Variants in ADAMTS12 observed in about 807,000 individuals in gnomAD.
ADAMTS12 encodes A disintegrin and metalloproteinase with thrombospondin motifs 12.
ADAMTS12 carries 118 observed loss-of-function variants against 167.8 expected under a neutral mutation model. The observed-to-expected ratio is 0.70, with a 90% CI of 0.61 to 0.82. The LOEUF is 0.82. Ranked by LOEUF, ADAMTS12 falls within the 40% of genes least tolerant of loss-of-function variation. The probability of loss-of-function intolerance (pLI) is 0.00; values close to 1 mark genes in which losing one functional copy is unlikely to be tolerated. For missense variants in ADAMTS12, 1,916 were observed against 1,998.8 expected (o/e 0.96, Z 0.79); for synonymous variants, 704 against 716.9 (o/e 0.98, Z 0.29).
intron 5 of ADAMTS12, among the ~76,000 whole-genome samples, chr5:33,672,371 C>T (rs1741743450): frequency 6.6e-6 from 1 of 151,742 alleles, no homozygotes; most frequent in Non-Finnish European, 1.5e-5. Context: ...TACACACATA[C>T]CCCCACAGTA....
chr5:33,630,855 C>T lies in ADAMTS12; in HGVS notation c.1947G>A (p.Leu649=), dbSNP rs1467284597. 1 of 1,613,642 alleles carries T rather than the reference C, an allele frequency of 6.2e-7. No individual in the cohort carries two copies. The highest frequency in any genetic ancestry group is 8.5e-7 in the Non-Finnish European group (1 of 1,179,698). Residue 649 remains leucine, a synonymous_variant, in exon 13 of 24, where the codon CTG becomes CTA. Transcript: ENST00000504830. The part of the protein sequence containing the change: ...PIDGQFSEKM[L]DAVIDGTPCF... Reference sequence around the variant, plus strand: ...AAGGGGTACCATCAATGACAGCATCCAGCATTTTCTCAGAAAACTGGCCAT... The same window carrying T: ...AAGGGGTACCATCAATGACAGCATCTAGCATTTTCTCAGAAAACTGGCCAT...
chr5:33,766,079 A>G (rs1376894710), intron 2 of ADAMTS12, among the ~76,000 whole-genome samples: 1 of 152,222 alleles, frequency 6.6e-6, no homozygotes, highest in Non-Finnish European at 1.5e-5. Context: ...AAGATTTCCA[A>G]ATAGTTTAAT....
chr5:33,849,059 T>C lies in ADAMTS12; in HGVS notation c.489+32060A>G, dbSNP rs1277168884. On this transcript the variant is annotated intron_variant, in intron 2 of 23. Transcript: ENST00000504830. Reference sequence around the variant, plus strand: ...TATATATATGTATTGCATAGCAATATATATATATGTATTGCATAGCAATAT... The same window carrying C: ...TATATATATGTATTGCATAGCAATACATATATATGTATTGCATAGCAATAT... Among the ~76,000 whole-genome samples the C allele has an allele frequency of 3.4e-5, 5 of 147,656 alleles. No individual in the cohort carries two copies. The South Asian group carries it at 1.1e-3, about 32-fold the overall frequency.
chr5:33,586,411 T>C (rs1376087238), intron 18 of ADAMTS12, among the ~76,000 whole-genome samples: 1 of 152,200 alleles, frequency 6.6e-6, no homozygotes, highest in Non-Finnish European at 1.5e-5. Context: ...GCCTTTCTGC[T>C]CAGCTCTGTC....
intron 6 of ADAMTS12, 83 bp from the exon 7 acceptor site, chr5:33,658,416 A>G: frequency 2.6e-6 from 4 of 1,520,718 alleles, no homozygotes; most frequent in Non-Finnish European, 2.7e-6. Context: ...GTATAAACTC[A>G]CATTCAATAT....
At chr5:33,763,351 G>T in intron 2 of ADAMTS12, among the ~76,000 whole-genome samples, 1 of 152,304 alleles carries the variant, frequency 6.6e-6, no homozygotes. Flanking sequence ...GGGGCAAGAG[G>T]CTGGAGTGAT....
chr5:33,858,225 C>T (rs1005110217), intron 2 of ADAMTS12, among the ~76,000 whole-genome samples: 1 of 151,808 alleles, frequency 6.6e-6, no homozygotes. Context: ...TCTAAATAAT[C>T]CATGGGTCAA....
At chr5:33,540,683 G>A (rs963749591) in intron 22 of ADAMTS12, among the ~76,000 whole-genome samples, 2 of 152,226 alleles carry the variant, frequency 1.3e-5, no homozygotes, top group African/African-American at 4.8e-5. Flanking sequence ...GTGATACCCA[G>A]GCAAACAGGG....
chr5:33,829,142 G>A (rs1387718960), intron 2 of ADAMTS12, among the ~76,000 whole-genome samples: 2 of 152,018 alleles, frequency 1.3e-5, no homozygotes, highest in Admixed American at 1.3e-4. Flanking sequence ...GGCACCTTTC[G>A]TCAGGCTACT....
intron 2 of ADAMTS12, among the ~76,000 whole-genome samples, chr5:33,855,187 G>A (rs2111664279): frequency 6.6e-6 from 1 of 152,304 alleles, no homozygotes; most frequent in East Asian, 1.9e-4. Flanking sequence ...TTTTCCATCT[G>A]GGCCAAGAAC....
chr5:33,735,088 T>C (rs1744324035), intron 3 of ADAMTS12, among the ~76,000 whole-genome samples: 1 of 152,242 alleles, frequency 6.6e-6, no homozygotes, highest in Admixed American at 6.5e-5. Flanking sequence ...GCATTTACCT[T>C]AATAAGTTTT....
chr5:33,595,482 C>T (rs1434838000), intron 17 of ADAMTS12, among the ~76,000 whole-genome samples: 1 of 152,160 alleles, frequency 6.6e-6, no homozygotes, highest in Non-Finnish European at 1.5e-5. Context: ...GCCCCACGTG[C>T]CAGTAATGTC....
At position 33,614,508 on chromosome 5, in the gene ADAMTS12, T is replaced by C. The variant is rs1738885637; in HGVS notation, c.2389-132A>G. 9 of 1,064,558 alleles carry C rather than the reference T, an allele frequency of 8.5e-6. No homozygotes were observed. The South Asian group carries it at 1.2e-4, about 14-fold the overall frequency. The allele number at this position is 1,064,558 out of a possible 1,614,324, so 65.9% of individuals were successfully genotyped here. ...CATGCATTGGAATAAAGCCATTAAA[T>C]AGATCTATACCTATGTCTGTGCCTA... On this transcript the variant is annotated intron_variant, in intron 15 of 23. Coordinates refer to ENST00000504830, the MANE Select transcript of ADAMTS12 (RefSeq NM_030955.4).
intron 16 of ADAMTS12, among the ~76,000 whole-genome samples, chr5:33,606,424 A>G (rs1395062346): frequency 6.6e-6 from 1 of 152,236 alleles, no homozygotes; most frequent in Admixed American, 6.5e-5. Context: ...AGAAAGAATA[A>G]TATAAATGAA....
intron 1 of ADAMTS12, 108 bp downstream of exon 1, chr5:33,891,622 C>T: frequency 6.5e-7 from 1 of 1,530,734 alleles, no homozygotes; most frequent in Non-Finnish European, 8.8e-7. Flanking sequence ...AGCCAAATGG[C>T]TTTTCAGAGT....
intron 16 of ADAMTS12, among the ~76,000 whole-genome samples, chr5:33,608,528 TTTG>T (rs1215038372): frequency 2.0e-5 from 3 of 151,848 alleles, no homozygotes; most frequent in African/African-American, 4.8e-5. Context: ...ATACAGTGAG[TTTG>T]TTGAGATGCA....
chr5:33,883,917 G>C (rs1036913307), intron 1 of ADAMTS12, among the ~76,000 whole-genome samples: 11 of 152,312 alleles, frequency 7.2e-5, no homozygotes, highest in Admixed American at 7.2e-4. Flanking sequence ...GAGAAACTGT[G>C]GGTGGGTGAG....
At chr5:33,671,729 C>A (rs1440646781) in intron 5 of ADAMTS12, among the ~76,000 whole-genome samples, 1 of 151,782 alleles carries the variant, frequency 6.6e-6, no homozygotes, top group Admixed American at 6.6e-5. Context: ...TACTCACATA[C>A]CCATACACAC....
At chr5:33,615,178 C>T (rs1738936264) in intron 15 of ADAMTS12, among the ~76,000 whole-genome samples, 1 of 152,176 alleles carries the variant, frequency 6.6e-6, no homozygotes, top group Non-Finnish European at 1.5e-5. Context: ...GAAGCAAAGT[C>T]TCCCGACACT....
Sources: allele counts gnomAD v4.1 joint callset (sites outside exome capture counted in the v4.1 genomes callset), GRCh38; gene constraint gnomAD v4.1.1; transcripts MANE v1.5; gene names NCBI Gene and HGNC (gene_info 2026-07-23, HGNC 2026-07-21).